WSCD1: variants seen among roughly 807,000 people sequenced by gnomAD.
The protein encoded by WSCD1 is sialate:O-sulfotransferase 1.
WSCD1 carries 41 observed loss-of-function variants against 60.4 expected under a neutral mutation model. The ratio of observed to expected loss-of-function variants is 0.68; its 90% CI spans 0.53 to 0.88. The LOEUF is 0.88. WSCD1 is among the 40% of genes least tolerant of loss of function. The pLI is 0.00. For synonymous variants in WSCD1, 361 were observed against 332.5 expected (o/e 1.09, Z -0.93); for missense variants, 784 against 796.2 (o/e 0.98, Z 0.18).
intron 7 of WSCD1, among the ~76,000 whole-genome samples, chr17:6,111,700 CAAAAAAAA>C (rs111930086): frequency 2.4e-5 from 1 of 41,272 alleles, no homozygotes. Flanking sequence ...CACTCCGTCT[CAAAAAAAA>C]AAAAAAAAAA....
chr17:6,112,635 T>C (rs1193099989), intron 7 of WSCD1, among the ~76,000 whole-genome samples: 1 of 151,258 alleles, frequency 6.6e-6, no homozygotes, highest in East Asian at 1.9e-4. Flanking sequence ...CATGCAAAAA[T>C]CAGTAGCATT....
rs1451151924 is a variant in WSCD1, at chr17:6,090,448, G to T, written c.670G>T (p.Ala224Ser). 1 of 1,613,412 alleles carries T rather than the reference G, an allele frequency of 6.2e-7. No individual in the cohort carries two copies. The highest frequency in any genetic ancestry group is 1.1e-5 in the South Asian group (1 of 90,988). The change falls in exon 4 of 9, where the codon GCT (alanine) becomes TCT (serine). Residue 224 changes from alanine (A) to serine (S), a missense_variant. Physicochemically the swap from Ala to Ser is moderately conservative, Grantham distance 99 (BLOSUM62 1). Coordinates refer to ENST00000317744, the MANE Select transcript of WSCD1 (RefSeq NM_015253.2). Reference protein sequence around the residue: ...CKGEKGSVCGAVDRLSVYRVD... With the variant: ...CKGEKGSVCGSVDRLSVYRVD... The stretch of plus-strand genomic sequence containing the variant: ...AGGCGAGAAGGGCTCTGTGTGCGGG[G>T]CTGTGGACCGGCTCTCCGTGTACCG...
intron 5 of WSCD1, among the ~76,000 whole-genome samples, chr17:6,097,542 GAC>G (rs1361245086): frequency 2.0e-5 from 3 of 152,178 alleles, no homozygotes; most frequent in Non-Finnish European, 4.4e-5. Context: ...CTCACGTCGC[GAC>G]ACAAAGTGCT....
At chr17:6,115,890 C>T (rs893321745) in intron 7 of WSCD1, among the ~76,000 whole-genome samples, 4 of 152,140 alleles carry the variant, frequency 2.6e-5, no homozygotes, top group Non-Finnish European at 5.9e-5. Context: ...ACCACCATGC[C>T]TAGCCCATTT....
chr17:6,082,949 C>T (rs994567735), intron 2 of WSCD1, among the ~76,000 whole-genome samples: 1 of 152,122 alleles, frequency 6.6e-6, no homozygotes, highest in African/African-American at 2.4e-5. Flanking sequence ...GGGTTCATGT[C>T]GCTGTGGAAG....
At chr17:6,081,857 T>C (rs1299290878) in intron 2 of WSCD1, 1 of 152,154 alleles carries the variant, frequency 6.6e-6, no homozygotes, top group Non-Finnish European at 1.5e-5. Context: ...ACCAGCAGCA[T>C]CAGCTCCGCC....
In WSCD1 at chr17:6,101,191, C is replaced by G. The variant is rs750993284; in HGVS notation, c.849+5968C>G. Among the ~76,000 whole-genome samples the G allele has an allele frequency of 5.9e-5, 9 of 152,136 alleles. No homozygotes were observed. Among genetic ancestry groups the G allele is most frequent in the Non-Finnish European group, 8.8e-5 (6 of 68,036 alleles). On this transcript the variant is annotated intron_variant, in intron 5 of 8. Coordinates refer to ENST00000317744, the MANE Select transcript of WSCD1 (RefSeq NM_015253.2). This position sits in a 1 kb window ranked among gnomAD's most constrained non-coding sequence, Gnocchi z 4.1. Reference sequence around the variant, plus strand: ...GTCCCGGTGGCAGCTTTATCTCATCCTAATTTGGCCGAAAAACAAGCTCAA... The same window carrying G: ...GTCCCGGTGGCAGCTTTATCTCATCGTAATTTGGCCGAAAAACAAGCTCAA...
rs769117849 is a variant in WSCD1 at position 6,110,997 on chromosome 17, C to T, written c.1174+62C>T. ...CCCGGTGACCAAACTGTCACCTTGC[C>T]AGCCAAGCTTCTCAGAGCACTAGAG... is the stretch of plus-strand genomic sequence containing the variant. On this transcript the variant is annotated intron_variant, in intron 7 of 8. Coordinates refer to ENST00000317744, the MANE Select transcript of WSCD1 (RefSeq NM_015253.2). This position sits in a 1 kb window ranked among gnomAD's most constrained non-coding sequence, Gnocchi z 4.8. 39 of 1,537,926 alleles carry T rather than the reference C, an allele frequency of 2.5e-5. No homozygotes were observed. Among genetic ancestry groups the T allele is most frequent in the Non-Finnish European group, 3.3e-5 (37 of 1,137,694 alleles).
At chr17:6,097,839 C>T (rs1460027386) in intron 5 of WSCD1, among the ~76,000 whole-genome samples, 2 of 152,138 alleles carry the variant, frequency 1.3e-5, no homozygotes, top group Admixed American at 6.5e-5. Flanking sequence ...AAGGCACCCT[C>T]GTAACCCTTA....
In WSCD1 at chr17:6,090,466, G is replaced by A. The variant is rs746181724; in HGVS notation, c.688G>A (p.Val230Met). Reference protein sequence around the residue: ...SVCGAVDRLSVYRVDELQPGS... With the variant: ...SVCGAVDRLSMYRVDELQPGS... The stretch of plus-strand genomic sequence containing the variant: ...GTGCGGGGCTGTGGACCGGCTCTCC[G>A]TGTACCGTGTGGACGAGCTGCAGCC... Residue 230 changes from valine to methionine, a missense_variant, in exon 4 of 9, where the codon GTG (valine) becomes ATG (methionine). Val to Met is a conservative substitution (Grantham distance 21, BLOSUM62 1). Transcript: ENST00000317744. The A allele has an allele frequency of 1.7e-5, 28 of 1,613,182 alleles. No homozygotes were observed. In the South Asian group the frequency reaches 2.7e-4, roughly 16 times the overall value.
chr17:6,103,213 G>A (rs1167537601), intron 5 of WSCD1, among the ~76,000 whole-genome samples: 1 of 152,172 alleles, frequency 6.6e-6, no homozygotes, highest in East Asian at 1.9e-4. Flanking sequence ...TGACTTTGTG[G>A]GCACGAACAG....
intron 5 of WSCD1, among the ~76,000 whole-genome samples, chr17:6,103,416 C>T (rs535386130): frequency 3.3e-5 from 5 of 152,226 alleles, no homozygotes; most frequent in Admixed American, 6.5e-5. Flanking sequence ...AATGGTTGGG[C>T]GGTTCTGAGT....
chr17:6,102,184 G>A (rs1018192460), intron 5 of WSCD1, among the ~76,000 whole-genome samples: 1 of 152,168 alleles, frequency 6.6e-6, no homozygotes, highest in Non-Finnish European at 1.5e-5. Context: ...CCATTTAATG[G>A]TGGTGCTCAT....
At position 6,095,104 on chromosome 17, in the gene WSCD1, C is replaced by A; in HGVS notation, c.730C>A (p.Arg244=). ...GAAACCCCTCTCTTTTCCCCCAGGG[C>A]GGACCGCCACCTACCGCGGATGCTT... The part of the protein sequence containing the change: ...DELQPGSRKR[R]TATYRGCFRL... The change falls in exon 5 of 9, where the codon CGG becomes AGG. Residue 244 remains arginine (R), a splice_region_variant and synonymous_variant. Transcript: ENST00000317744. The A allele has an allele frequency of 6.2e-7, 1 of 1,609,664 alleles. No homozygotes were observed. The highest frequency in any genetic ancestry group is 1.1e-5 in the South Asian group (1 of 90,078).
At chr17:6,096,598 C>T (rs1173529374) in intron 5 of WSCD1, among the ~76,000 whole-genome samples, 2 of 152,334 alleles carry the variant, frequency 1.3e-5, no homozygotes, top group South Asian at 2.1e-4. Flanking sequence ...CATCAGGGCA[C>T]CCACGACACA....
intron 1 of WSCD1, among the ~76,000 whole-genome samples, chr17:6,073,879 C>T (rs534039629): frequency 7.1e-4 from 108 of 152,268 alleles, no homozygotes; most frequent in African/African-American, 2.2e-3. Flanking sequence ...GGAATCAGAG[C>T]GACTTAGCAA....
rs906877623 is a variant in WSCD1, at chr17:6,118,322, C to T, written c.1375+134C>T. ...GTATACACAGGTAGGCACTCAAACCCCATCCTGCTAGGGACTTAGTGCTGC... is the reference window on the plus strand; with the variant it reads ...GTATACACAGGTAGGCACTCAAACCTCATCCTGCTAGGGACTTAGTGCTGC... On this transcript the variant is annotated intron_variant, in intron 8 of 8. Coordinates refer to ENST00000317744, the MANE Select transcript of WSCD1 (RefSeq NM_015253.2). The surrounding 1 kb of genome is among the most constrained non-coding windows in gnomAD (Gnocchi z 5.8). 6.3e-6 allele frequency: 6 copies of T among 945,722 alleles called. No homozygotes were observed. The highest frequency in any genetic ancestry group is 4.9e-5 in the South Asian group (3 of 61,616). The allele number at this position is 945,722 out of a possible 1,614,324, so 58.6% of individuals were successfully genotyped here. A position where few individuals can be genotyped will look rare whatever the true frequency, so the allele number is the denominator to read the frequency against.
chr17:6,097,663 A>G (rs570885385), intron 5 of WSCD1, among the ~76,000 whole-genome samples: 23 of 152,366 alleles, frequency 1.5e-4, no homozygotes, highest in Admixed American at 1.1e-3. Flanking sequence ...CTACCTGTGT[A>G]TGTACGTAGA....
At chr17:6,111,455 C>G (rs1911401939) in intron 7 of WSCD1, among the ~76,000 whole-genome samples, 1 of 152,146 alleles carries the variant, frequency 6.6e-6, no homozygotes, top group South Asian at 2.1e-4. Flanking sequence ...AATCCTAACA[C>G]TTTGGGAGGC....
Sources: gnomAD v4.1 joint callset for allele counts (sites outside exome capture counted in the v4.1 genomes callset) on GRCh38, gnomAD v4.1.1 for gene constraint, Gnocchi (gnomAD v3.1) non-coding constraint, MANE v1.5 for transcripts, NCBI Gene and HGNC (gene_info 2026-07-23, HGNC 2026-07-21) for gene names.